Variants in NEK10 observed in about 807,000 individuals in gnomAD.
NEK10 encodes serine/threonine-protein kinase Nek10.
A neutral mutation model predicts 159.8 loss-of-function variants in NEK10; 122 were observed. The observed-to-expected ratio is 0.76, with a 90% CI of 0.66 to 0.89. The LOEUF (loss-of-function observed/expected upper bound fraction) is 0.89. Ranked by LOEUF, NEK10 falls within the 40% of genes least tolerant of loss-of-function variation. The pLI is 0.00. For missense variants in NEK10, 1,342 were observed against 1,323.1 expected, an observed-to-expected ratio of 1.01 and a Z score of -0.22; for synonymous variants, 466 against 457.1, an observed-to-expected ratio of 1.02 and a Z score of -0.25.
rs752678613 is a variant in NEK10 at position 27,290,744 on chromosome 3, T to C, written c.1616A>G (p.His539Arg). Residue 539 changes from histidine to arginine, a missense_variant, in exon 19 of 36, where the codon CAT becomes CGT. Physicochemically the swap from His to Arg is conservative, Grantham distance 29. Coordinates refer to ENST00000691995, the MANE Select transcript of NEK10 (RefSeq NM_001394966.1). Reference protein sequence around the residue: ...AFGCVYKVRKHSGQNLLAMKE... With the variant: ...AFGCVYKVRKRSGQNLLAMKE... The stretch of plus-strand genomic sequence containing the variant: ...CATTGCTAAAAGATTTTGACCACTA[T>C]GCTTTCTAACCTAAAATAAAGAAAA... 13 of 1,603,342 alleles carry C rather than the reference T, an allele frequency of 8.1e-6. No individual in the cohort carries two copies. Among genetic ancestry groups the C allele is most frequent in the Middle Eastern group, 1.7e-4 (1 of 6,016 alleles).
intron 23 of NEK10, among the ~76,000 whole-genome samples, chr3:27,250,027 C>A (rs200058913): frequency 1.3e-5 from 2 of 152,082 alleles, no homozygotes; most frequent in Admixed American, 6.6e-5. Context: ...TTTGTCCCCC[C>A]ACTTTTTAAC....
intron 25 of NEK10, among the ~76,000 whole-genome samples, chr3:27,195,354 C>G (rs1393123085): frequency 6.6e-6 from 1 of 152,110 alleles, no homozygotes; most frequent in Non-Finnish European, 1.5e-5. Flanking sequence ...CTAATTCTTT[C>G]AGAACTCAAT....
chr3:27,206,844 G>A (rs1372516683), intron 23 of NEK10, among the ~76,000 whole-genome samples: 1 of 152,146 alleles, frequency 6.6e-6, no homozygotes, highest in Non-Finnish European at 1.5e-5. Flanking sequence ...CAACCCTGCA[G>A]GACAAAGGCC....
intron 5 of NEK10, among the ~76,000 whole-genome samples, chr3:27,340,347 G>T (rs1361198377): frequency 6.6e-6 from 1 of 152,090 alleles, no homozygotes; most frequent in Non-Finnish European, 1.5e-5. Context: ...TCACCCACTG[G>T]GGCCTATTGG....
chr3:27,332,711 G>C (rs1350348987), intron 5 of NEK10, among the ~76,000 whole-genome samples: 2 of 152,196 alleles, frequency 1.3e-5, no homozygotes, highest in East Asian at 3.9e-4. Context: ...TCTCTGAATA[G>C]AGGTCAATTT....
chr3:27,319,174 T>A (rs986511969), intron 6 of NEK10, among the ~76,000 whole-genome samples: 63 of 152,240 alleles, frequency 4.1e-4, no homozygotes, highest in African/African-American at 1.4e-3. Flanking sequence ...AGGTTTTCTC[T>A]TTATCTTTGA....
chr3:27,231,216 C>A (rs931229453), intron 23 of NEK10, among the ~76,000 whole-genome samples: 2 of 151,730 alleles, frequency 1.3e-5, no homozygotes, highest in African/African-American at 2.4e-5. Context: ...AGGAACCCTC[C>A]AAATCAAACA....
intron 30 of NEK10, among the ~76,000 whole-genome samples, chr3:27,153,068 T>A (rs924034396): frequency 2.6e-4 from 39 of 152,120 alleles, no homozygotes; most frequent in Non-Finnish European, 1.5e-4. Context: ...ATGCCTGTAA[T>A]CCCAGCACTT....
intron 23 of NEK10, among the ~76,000 whole-genome samples, chr3:27,245,299 G>T (rs1954948078): frequency 6.6e-6 from 1 of 152,042 alleles, no homozygotes. Flanking sequence ...GTTGAATATG[G>T]CCACAAGTAC....
intron 22 of NEK10, among the ~76,000 whole-genome samples, chr3:27,258,878 CTGT>C (rs1452949672): frequency 6.6e-6 from 1 of 152,116 alleles, no homozygotes; most frequent in Non-Finnish European, 1.5e-5. Flanking sequence ...TCTCCAGCAC[CTGT>C]TGTTTCCTGA....
intron 22 of NEK10, among the ~76,000 whole-genome samples, chr3:27,267,661 G>A (rs1291682571): frequency 6.6e-6 from 1 of 152,164 alleles, no homozygotes; most frequent in Non-Finnish European, 1.5e-5. Flanking sequence ...CATCCTGACT[G>A]CTACATTGAC....
chr3:27,112,294 A>G (rs761569160), intron 35 of NEK10, among the ~76,000 whole-genome samples: 1 of 152,068 alleles, frequency 6.6e-6, no homozygotes, highest in Non-Finnish European at 1.5e-5. Flanking sequence ...CTAAATATAA[A>G]CCCTATAATT....
At chr3:27,172,434 A>T (rs1947096946) in intron 28 of NEK10, among the ~76,000 whole-genome samples, 1 of 151,908 alleles carries the variant, frequency 6.6e-6, no homozygotes, top group Non-Finnish European at 1.5e-5. Context: ...CAGCAATCCC[A>T]CTACTGGTAT....
chr3:27,327,889 T>A (rs906306426), intron 5 of NEK10, among the ~76,000 whole-genome samples: 6 of 152,054 alleles, frequency 3.9e-5, no homozygotes, highest in African/African-American at 1.2e-4. Context: ...AGAGTCCAAT[T>A]TTTTTGGATA....
intron 5 of NEK10, among the ~76,000 whole-genome samples, chr3:27,329,895 G>C (rs1170557921): frequency 6.6e-6 from 1 of 151,922 alleles, no homozygotes; most frequent in Non-Finnish European, 1.5e-5. Flanking sequence ...TGACTTTTTT[G>C]GTATATATAG....
At chr3:27,203,194 C>G (rs1381387084) in intron 23 of NEK10, among the ~76,000 whole-genome samples, 1 of 152,116 alleles carries the variant, frequency 6.6e-6, no homozygotes, top group Non-Finnish European at 1.5e-5. Context: ...GGAGAACTAG[C>G]CTAGCAGGCT....
chr3:27,113,563 T>G (rs1939933492), intron 35 of NEK10, among the ~76,000 whole-genome samples: 3 of 152,154 alleles, frequency 2.0e-5, no homozygotes, highest in Admixed American at 6.5e-5. Flanking sequence ...TTATATTGCT[T>G]AAACTTGACT....
At chr3:27,297,314 C>A in intron 13 of NEK10, 74 bp from the exon 14 acceptor site, 1 of 955,272 alleles carries the variant, frequency 1.0e-6, no homozygotes, top group South Asian at 1.5e-5. Context: ...ACTCTTACTC[C>A]ACAGGGTATT....
chr3:27,199,789 C>A (rs1451676965), intron 25 of NEK10, among the ~76,000 whole-genome samples: 2 of 152,120 alleles, frequency 1.3e-5, no homozygotes, highest in South Asian at 4.1e-4. Context: ...TAAAAAGCAA[C>A]AACATCATGT....
Sources: allele counts gnomAD v4.1 joint callset (sites outside exome capture counted in the v4.1 genomes callset), GRCh38; gene constraint gnomAD v4.1.1; transcripts MANE v1.5; gene names NCBI Gene and HGNC (gene_info 2026-07-23, HGNC 2026-07-21).